ALCAM: variants seen among roughly 807,000 people sequenced by gnomAD.
ALCAM encodes the protein CD166 antigen.
In ALCAM, 30 loss-of-function variants were observed where a neutral mutation model predicts 70.9. The observed-to-expected ratio is 0.42, with a 90% CI of 0.32 to 0.57. The LOEUF is 0.57. ALCAM is among the 20% of genes least tolerant of loss of function. The probability of loss-of-function intolerance (pLI) is 0.11; values close to 1 mark genes in which losing one functional copy is unlikely to be tolerated. For missense variants in ALCAM, 591 were observed against 695.1 expected, an observed-to-expected ratio of 0.85 and a Z score of 1.68; for synonymous variants, 249 against 242.5, an observed-to-expected ratio of 1.03 and a Z score of -0.25.
At chr3:105,371,401 TA>T (rs1935226392) in intron 1 of ALCAM, among the ~76,000 whole-genome samples, 1 of 152,142 alleles carries the variant, frequency 6.6e-6, no homozygotes, top group South Asian at 2.1e-4. Context: ...ATTTTTTAAG[TA>T]AAACGTGCTA....
At chr3:105,507,552 T>C (rs1388417925) in intron 1 of ALCAM, among the ~76,000 whole-genome samples, 1 of 152,212 alleles carries the variant, frequency 6.6e-6, no homozygotes, top group African/African-American at 2.4e-5. Context: ...CTTCTTTTAC[T>C]TCGCAGTATG....
chr3:105,398,731 A>T (rs1469944568), intron 1 of ALCAM, among the ~76,000 whole-genome samples: 1 of 152,068 alleles, frequency 6.6e-6, no homozygotes, highest in East Asian at 1.9e-4. Flanking sequence ...TAACCATAGC[A>T]TGTTTAGGAG....
chr3:105,396,141 A>G (rs373903031), intron 1 of ALCAM, among the ~76,000 whole-genome samples: 92 of 152,190 alleles, frequency 6.0e-4, no homozygotes, highest in African/African-American at 1.9e-3. Context: ...ATTAATATTT[A>G]TTAGACACTC....
intron 7 of ALCAM, 129 bp downstream of exon 7, chr3:105,540,231 G>A (rs755109930): frequency 8.4e-6 from 8 of 950,030 alleles, no homozygotes; most frequent in African/African-American, 8.4e-5. Flanking sequence ...AAAATGTCAC[G>A]TGGAAGCTTT....
Position 105,509,616 on chromosome 3 carries a change from G to C in ALCAM, c.74-10451G>C, listed in dbSNP as rs559482484. Among the ~76,000 whole-genome samples the C allele has an allele frequency of 2.0e-5, 3 of 151,786 alleles. No individual in the cohort carries two copies. In the East Asian group the frequency reaches 5.8e-4, roughly 29 times the overall value. The stretch of plus-strand genomic sequence containing the variant: ...TTTTATGAATTCCTTACATATTTTG[G>C]ATATCAACCCTTTATCAGGTATATG... On this transcript the variant is annotated intron_variant, in intron 1 of 15. Transcript: ENST00000306107.
intron 5 of ALCAM, among the ~76,000 whole-genome samples, chr3:105,533,964 C>T (rs1939908177): frequency 6.6e-6 from 1 of 151,948 alleles, no homozygotes; most frequent in South Asian, 2.1e-4. Flanking sequence ...TCAGTGAGAG[C>T]CCAGAGCTTG....
chr3:105,379,154 A>C (rs1935450535), intron 1 of ALCAM, among the ~76,000 whole-genome samples: 1 of 152,018 alleles, frequency 6.6e-6, no homozygotes, highest in Non-Finnish European at 1.5e-5. Context: ...CAAGAAGGTA[A>C]TGAATTTATA....
At chr3:105,396,969 A>G (rs575478550) in intron 1 of ALCAM, among the ~76,000 whole-genome samples, 45 of 152,214 alleles carry the variant, frequency 3.0e-4, no homozygotes, top group Admixed American at 3.0e-3. Context: ...TTCCTATTGT[A>G]GATGAATTGA....
chr3:105,429,066 C>T (rs1936863354), intron 1 of ALCAM, among the ~76,000 whole-genome samples: 1 of 151,860 alleles, frequency 6.6e-6, no homozygotes, highest in Non-Finnish European at 1.5e-5. Context: ...TCATATCATG[C>T]CTGTTTAGAT....
chr3:105,552,235 G>T, intron 13 of ALCAM, 53 bp downstream of exon 13: 1 of 1,516,796 alleles, frequency 6.6e-7, no homozygotes, highest in South Asian at 1.2e-5. Context: ...CAAGATTTAT[G>T]AAGTGTCATG....
At chr3:105,563,667 CTTTTTTTTTTT>C (rs749625480) in intron 14 of ALCAM, among the ~76,000 whole-genome samples, 45 of 52,046 alleles carry the variant, frequency 8.6e-4, no homozygotes, top group African/African-American at 4.1e-3. Context: ...CCAAGCATTT[CTTTTTTTTTTT>C]TTTTTTTTTT....
At chr3:105,516,910 A>G (rs1204228975) in intron 1 of ALCAM, among the ~76,000 whole-genome samples, 1 of 152,076 alleles carries the variant, frequency 6.6e-6, no homozygotes, top group Non-Finnish European at 1.5e-5. Flanking sequence ...GAATAATTTA[A>G]CTAACAAATA....
chr3:105,558,276 G>A (rs993516726), intron 14 of ALCAM, among the ~76,000 whole-genome samples: 7 of 152,070 alleles, frequency 4.6e-5, no homozygotes, highest in East Asian at 1.9e-4. Flanking sequence ...CCTCACACCC[G>A]CTCTAAGAGA....
intron 1 of ALCAM, among the ~76,000 whole-genome samples, chr3:105,373,344 CT>C (rs1267027199): frequency 2.0e-5 from 3 of 152,072 alleles, no homozygotes; most frequent in Non-Finnish European, 4.4e-5. Flanking sequence ...GATGATTTCA[CT>C]AGAGAAGTTA....
chr3:105,534,137 A>G (rs555413973), intron 5 of ALCAM, among the ~76,000 whole-genome samples: 27 of 152,236 alleles, frequency 1.8e-4, no homozygotes, highest in South Asian at 4.1e-4. Context: ...CTGATCTGAC[A>G]GGAGAAGGAG....
intron 3 of ALCAM, among the ~76,000 whole-genome samples, chr3:105,525,889 G>A (rs1939693279): frequency 6.6e-6 from 1 of 152,172 alleles, no homozygotes; most frequent in African/African-American, 2.4e-5. Flanking sequence ...CCAAGTGTTT[G>A]CAGTCATGCC....
At chr3:105,432,339 GA>G in intron 1 of ALCAM, among the ~76,000 whole-genome samples, 1 of 152,190 alleles carries the variant, frequency 6.6e-6, no homozygotes, top group Middle Eastern at 3.4e-3. Flanking sequence ...AATAATGTAT[GA>G]AATGTAATTA....
intron 1 of ALCAM, among the ~76,000 whole-genome samples, chr3:105,422,933 G>A (rs1037106453): frequency 3.3e-5 from 5 of 151,382 alleles, no homozygotes; most frequent in Non-Finnish European, 7.4e-5. Flanking sequence ...TACTAGTTCG[G>A]CCTTGAAAAT....
chr3:105,531,611 A>T (rs1939841210), intron 3 of ALCAM, among the ~76,000 whole-genome samples: 1 of 152,034 alleles, frequency 6.6e-6, no homozygotes, highest in Admixed American at 6.6e-5. Context: ...ATTCTGGTTC[A>T]TGTAAATTAA....
Sources: gnomAD v4.1 joint callset for allele counts (sites outside exome capture counted in the v4.1 genomes callset) on GRCh38, gnomAD v4.1.1 for gene constraint, MANE v1.5 for transcripts, NCBI Gene and HGNC (gene_info 2026-07-23, HGNC 2026-07-21) for gene names.